MYBPC1: variants seen among roughly 807,000 people sequenced by gnomAD.
MYBPC1 encodes myosin binding protein C1, also known as myosin-binding protein C, slow-type.
In MYBPC1, 52 loss-of-function variants were observed where a neutral mutation model predicts 147.1. The observed-to-expected ratio is 0.35, with a 90% CI of 0.28 to 0.45. The LOEUF (loss-of-function observed/expected upper bound fraction) is 0.45. Ranked by LOEUF, MYBPC1 falls within the 20% of genes least tolerant of loss-of-function variation. MYBPC1 has a pLI of 1.00. For missense variants in MYBPC1, 1,228 were observed against 1,440.3 expected (o/e 0.85, Z 2.39); for synonymous variants, 477 against 475.9 (o/e 1.00, Z -0.03).
At chr12:101,685,058 C>G (rs982407141) in intron 31 of MYBPC1, among the ~76,000 whole-genome samples, 1 of 152,072 alleles carries the variant, frequency 6.6e-6, no homozygotes, top group Non-Finnish European at 1.5e-5. Context: ...ATAATTTTAA[C>G]AAAATATTTC....
chr12:101,628,778 C>T (rs565743293), intron 5 of MYBPC1, among the ~76,000 whole-genome samples: 11 of 152,344 alleles, frequency 7.2e-5, no homozygotes, highest in Admixed American at 5.9e-4. Context: ...GGGAAAGCCT[C>T]AGTTTTTTTC....
Position 101,678,088 on chromosome 12 carries a change from T to A in MYBPC1, c.3110-14T>A, listed in dbSNP as rs750205090. On this transcript the variant is annotated splice_polypyrimidine_tract_variant and intron_variant, in intron 27 of 31. Transcript: ENST00000361466. Reference sequence around the variant, plus strand: ...TTACATAATTTTAACATATTTGTAATGCTTGTTTTTAAGGTAAAATCTACA... The same window carrying A: ...TTACATAATTTTAACATATTTGTAAAGCTTGTTTTTAAGGTAAAATCTACA... The A allele has an allele frequency of 6.2e-7, 1 of 1,609,846 alleles. No individual in the cohort carries two copies.
At chr12:101,658,408 G>A (rs10860761) in intron 18 of MYBPC1, among the ~76,000 whole-genome samples, 97,707 of 151,496 alleles carry the variant, frequency 0.64, 33,225 homozygotes, top group Admixed American at 0.79. Flanking sequence ...AAAATCTACC[G>A]TAAAAAGAAA....
chr12:101,684,291 A>G (rs1951215132), intron 30 of MYBPC1, 91 bp from the exon 31 acceptor site: 1 of 998,002 alleles, frequency 1.0e-6, no homozygotes, highest in Non-Finnish European at 1.6e-6. Context: ...AATCATGACC[A>G]TAATTTCATC....
chr12:101,636,934 C>A, intron 10 of MYBPC1: 1 of 527,596 alleles, frequency 1.9e-6, no homozygotes. Context: ...TGCTTTTAAA[C>A]TTTCTTTTTA....
downstream of MYBPC1, among the ~76,000 whole-genome samples, chr12:101,689,727 G>C (rs1011654433): frequency 6.6e-6 from 1 of 152,170 alleles, no homozygotes; most frequent in Non-Finnish European, 1.5e-5. Context: ...ACAAAACCTA[G>C]GAAGGCTGGA....
chr12:101,657,178 C>T (rs1250709509), intron 18 of MYBPC1, among the ~76,000 whole-genome samples: 1 of 151,904 alleles, frequency 6.6e-6, no homozygotes, highest in Non-Finnish European at 1.5e-5. Flanking sequence ...GAAAATACAA[C>T]ATATCAAAAT....
chr12:101,679,171 T>C (rs538925417), intron 28 of MYBPC1, among the ~76,000 whole-genome samples: 1 of 141,996 alleles, frequency 7.0e-6, no homozygotes, highest in South Asian at 2.2e-4. Context: ...AAAAGGAAAA[T>C]CAAAGGAAGA....
chr12:101,617,908 C>A (rs1400544155), intron 3 of MYBPC1, among the ~76,000 whole-genome samples: 1 of 152,152 alleles, frequency 6.6e-6, no homozygotes, highest in African/African-American at 2.4e-5. Flanking sequence ...AAATGATTAT[C>A]ATTACTGACC....
rs1896935578 is a variant in MYBPC1, at chr12:101,663,547, T to C, written c.2343T>C (p.Tyr781=). The change falls in exon 22 of 32, where the codon TAT becomes TAC. Residue 781 remains tyrosine (Y), a synonymous_variant. Coordinates refer to ENST00000361466, the MANE Select transcript of MYBPC1 (RefSeq NM_002465.4). Reference sequence around the variant, plus strand: ...GTTTAGATGGCTATGTGCTAGAGTATTGCTTTGAAGGAAGTAAGTACAACC... The same window carrying C: ...GTTTAGATGGCTATGTGCTAGAGTACTGCTTTGAAGGAAGTAAGTACAACC... ...AAGLDGYVLE[Y]CFEGTEDWIV... 6.2e-7 allele frequency: 1 copy of C among 1,614,068 alleles called. No homozygotes were observed. The highest frequency in any genetic ancestry group is 8.5e-7 in the Non-Finnish European group (1 of 1,179,988).
intron 13 of MYBPC1, 24 bp from the exon 14 acceptor site, chr12:101,648,021 T>C: frequency 6.4e-7 from 1 of 1,564,390 alleles, no homozygotes; most frequent in South Asian, 1.1e-5. Flanking sequence ...TTAATGATTC[T>C]GATTTCCCCT....
At chr12:101,684,313 C>A in intron 30 of MYBPC1, 69 bp from the exon 31 acceptor site, 1 of 1,208,866 alleles carries the variant, frequency 8.3e-7, no homozygotes, top group South Asian at 1.2e-5. Context: ...AACAAGTACT[C>A]AAGTTTGGTG....
chr12:101,649,942 G>T (rs1443094194), intron 15 of MYBPC1, among the ~76,000 whole-genome samples: 3 of 152,150 alleles, frequency 2.0e-5, no homozygotes, highest in African/African-American at 2.4e-5. Context: ...CTCCCAATTT[G>T]CCATAAAAAT....
intron 1 of MYBPC1, among the ~76,000 whole-genome samples, chr12:101,613,909 C>T (rs1885109040): frequency 6.6e-6 from 1 of 152,210 alleles, no homozygotes; most frequent in Non-Finnish European, 1.5e-5. Context: ...AGAGGACTTT[C>T]ATGTCATCTG....
chr12:101,683,255 TC>T (rs1951135412), intron 30 of MYBPC1, among the ~76,000 whole-genome samples: 1 of 151,776 alleles, frequency 6.6e-6, no homozygotes, highest in Admixed American at 6.6e-5. Flanking sequence ...CATGGCAAAC[TC>T]CCATCTCTAC....
At chr12:101,655,437 G>A (rs1895373788) in intron 18 of MYBPC1, among the ~76,000 whole-genome samples, 2 of 152,050 alleles carry the variant, frequency 1.3e-5, no homozygotes, top group Admixed American at 6.5e-5. Context: ...AAACACAAGA[G>A]AAAAAGTCCA....
the MYBPC1 span, among the ~76,000 whole-genome samples, chr12:101,692,130 G>A: frequency 2.0e-5 from 3 of 152,194 alleles, no homozygotes; most frequent in South Asian, 6.2e-4. Flanking sequence ...GCTGGAGCAT[G>A]AGACTTAGGG....
At chr12:101,645,842 A>G (rs1892987873) in intron 12 of MYBPC1, among the ~76,000 whole-genome samples, 1 of 152,186 alleles carries the variant, frequency 6.6e-6, no homozygotes, top group South Asian at 2.1e-4. Context: ...GTTTCTAAAT[A>G]CTCACATTCT....
intron 19 of MYBPC1, among the ~76,000 whole-genome samples, chr12:101,660,726 GGACTCACAGTTCC>G (rs1470684574): frequency 5.4e-5 from 1 of 18,472 alleles, no homozygotes; most frequent in African/African-American, 9.6e-5. Context: ...GAGGTTTAAT[GGACTCACAGTTCC>G]TTGTAGCTGG....
Sources: allele counts gnomAD v4.1 joint callset (sites outside exome capture counted in the v4.1 genomes callset), GRCh38; gene constraint gnomAD v4.1.1; transcripts MANE v1.5; gene names NCBI Gene and HGNC (gene_info 2026-07-23, HGNC 2026-07-21).